Variants in TOP1 observed in about 807,000 individuals in gnomAD.
TOP1 encodes the protein DNA topoisomerase 1.
TOP1 carries 10 observed loss-of-function variants against 111.1 expected under a neutral mutation model. The observed-to-expected ratio is 0.09, with a 90% confidence interval of 0.06 to 0.15. The LOEUF is 0.15. Ranked by LOEUF, TOP1 falls within the 10% of genes least tolerant of loss-of-function variation. The pLI, the probability that TOP1 is intolerant of heterozygous loss-of-function variation, is 1.00. For synonymous variants in TOP1, 271 were observed against 302.9 expected, an observed-to-expected ratio of 0.89 and a Z score of 1.10; for missense variants, 474 against 926.7, an observed-to-expected ratio of 0.51 and a Z score of 6.34.
Position 41,115,088 on chromosome 20 carries a change from A to G in TOP1, c.1639-283A>G, listed in dbSNP as rs537122290. ...CTTTAGGACCATATTATAAGTAAGT[A>G]CTTATAAATGTACTTTAGGACCATA... is the stretch of plus-strand genomic sequence containing the variant. On this transcript the variant is annotated intron_variant, in intron 15 of 20. Transcript: ENST00000361337. This position sits in a 1 kb window ranked among gnomAD's most constrained non-coding sequence, Gnocchi z 6.3. Among the ~76,000 whole-genome samples the G allele has an allele frequency of 7.9e-4, 121 of 152,292 alleles. No homozygotes were observed. The highest frequency in any genetic ancestry group is 1.4e-3 in the Non-Finnish European group (92 of 68,006).
At chr20:41,065,109 T>G (rs1665167286) in intron 3 of TOP1, among the ~76,000 whole-genome samples, 1 of 152,170 alleles carries the variant, frequency 6.6e-6, no homozygotes, top group African/African-American at 2.4e-5. Flanking sequence ...TTCACCATGT[T>G]GACTAGGCTG....
In TOP1 at chr20:41,098,331, G is replaced by C; in HGVS notation, c.969G>C (p.Glu323Asp). ...CTCGGAAACAGATGAGCAAGGAAGA[G>C]AAACTGGTACTACAGAATTTATTAA... The part of the protein sequence containing the change: ...TEARKQMSKE[E>D]KLKIKEENEK... The change falls in exon 11 of 21, where the codon GAG (glutamate) becomes GAC (aspartate). Residue 323 changes from glutamate (E) to aspartate (D), a missense_variant. Physicochemically the swap from Glu to Asp is conservative, Grantham distance 45. This residue lies in a region of TOP1 where 84 missense variants were observed against 119.2 expected (regional missense o/e 0.70). Coordinates refer to ENST00000361337, the MANE Select transcript of TOP1 (RefSeq NM_003286.4). The surrounding 1 kb of genome is among the most constrained non-coding windows in gnomAD (Gnocchi z 5.7). 1 of 1,613,388 alleles carries C rather than the reference G, an allele frequency of 6.2e-7. No homozygotes were observed. The highest frequency in any genetic ancestry group is 8.5e-7 in the Non-Finnish European group (1 of 1,179,750).
chr20:41,031,002 A>G (rs1004661919), intron 2 of TOP1, among the ~76,000 whole-genome samples: 7 of 152,210 alleles, frequency 4.6e-5, no homozygotes, highest in African/African-American at 1.7e-4. Context: ...TTATAAGGTA[A>G]CTACTGGGGC....
intron 2 of TOP1, among the ~76,000 whole-genome samples, chr20:41,042,688 A>G (rs2033282229): frequency 6.6e-6 from 1 of 152,222 alleles, no homozygotes; most frequent in East Asian, 1.9e-4. Context: ...GCTGACTCCT[A>G]TGCAGTCAAA....
rs745367408 is a variant in TOP1 at position 41,100,243 on chromosome 20, A to G, written c.1163A>G (p.Lys388Arg). The change falls in exon 12 of 21, where the codon AAA (lysine) becomes AGA (arginine). Residue 388 changes from lysine to arginine, a missense_variant and splice_region_variant. Coordinates refer to ENST00000361337, the MANE Select transcript of TOP1 (RefSeq NM_003286.4). This position sits in a 1 kb window ranked among gnomAD's most constrained non-coding sequence, Gnocchi z 4.4. ...GAGGATATAATCATCAACTGTAGCA[A>G]GTGAGCTCGCACTTCATCCTATGGG... Reference protein sequence around the residue: ...MPEDIIINCSKDAKVPSPPPG... With the variant: ...MPEDIIINCSRDAKVPSPPPG... 3.7e-6 allele frequency: 6 copies of G among 1,611,886 alleles called. No homozygotes were observed. The Admixed American group carries it at 5.0e-5, about 14-fold the overall frequency.
chr20:41,065,406 G>A (rs1314846021), intron 3 of TOP1, among the ~76,000 whole-genome samples: 1 of 152,274 alleles, frequency 6.6e-6, no homozygotes, highest in Non-Finnish European at 1.5e-5. Flanking sequence ...ACACAATTGT[G>A]TGTGGTAAAA....
At chr20:41,035,281 A>G (rs1368249262) in intron 2 of TOP1, among the ~76,000 whole-genome samples, 1 of 152,162 alleles carries the variant, frequency 6.6e-6, no homozygotes. Flanking sequence ...GAAATGTGTA[A>G]TAAATGTTTT....
At chr20:41,107,750 T>G (rs1600595589) in intron 13 of TOP1, among the ~76,000 whole-genome samples, 1 of 152,240 alleles carries the variant, frequency 6.6e-6, no homozygotes, top group Non-Finnish European at 1.5e-5. Context: ...TTTTGAAATT[T>G]CTGTTTGTAA....
chr20:41,080,543 A>G lies in TOP1; in HGVS notation c.431+363A>G, dbSNP rs1253920412. ...AGTTTCTCTTAGACCTATTCCTGTC[A>G]GACATTCTAAGTGAAGTTTCAGTGT... On this transcript the variant is annotated intron_variant, in intron 6 of 20. Coordinates refer to ENST00000361337, the MANE Select transcript of TOP1 (RefSeq NM_003286.4). This position sits in a 1 kb window ranked among gnomAD's most constrained non-coding sequence, Gnocchi z 5.0. 6.6e-6 allele frequency among the ~76,000 whole-genome samples: 1 copy of G among 152,240 alleles called. No individual in the cohort carries two copies. Among genetic ancestry groups the G allele is most frequent in the African/African-American group, 2.4e-5 (1 of 41,464 alleles).
rs116334415 is a variant in TOP1, at chr20:41,123,798, G to C, written c.*501G>C. The C allele has an allele frequency of 4.3e-6, 1 of 232,444 alleles. No homozygotes were observed. Among genetic ancestry groups the C allele is most frequent in the Admixed American group, 5.6e-5 (1 of 17,744 alleles). The allele number at this position is 232,444 out of a possible 1,614,324, so 14.4% of individuals were successfully genotyped here. On this transcript the variant is annotated 3_prime_UTR_variant, in exon 21 of 21. Transcript: ENST00000361337. This position sits in a 1 kb window ranked among gnomAD's most constrained non-coding sequence, Gnocchi z 5.8. ...AAAACCCAGCGCACCTGTTAGAGTC[G>C]TCACTCTCTATTGTCATGGGGATCA...
At position 41,075,576 on chromosome 20, in the gene TOP1, A is replaced by T. The variant is rs1358285566; in HGVS notation, c.156-595A>T. Reference sequence around the variant, plus strand: ...ACATTTTCATGGCTCTTGCCTTATAATGTCATATTTTGCTTTTTAACCTTT... The same window carrying T: ...ACATTTTCATGGCTCTTGCCTTATATTGTCATATTTTGCTTTTTAACCTTT... On this transcript the variant is annotated intron_variant, in intron 3 of 20. Coordinates refer to ENST00000361337, the MANE Select transcript of TOP1 (RefSeq NM_003286.4). 2.0e-5 allele frequency among the ~76,000 whole-genome samples: 3 copies of T among 152,208 alleles called. No homozygotes were observed. The East Asian group carries it at 5.8e-4, about 29-fold the overall frequency.
In TOP1 at chr20:41,046,518, A is replaced by C. The variant is rs1208715608; in HGVS notation, c.59-14876A>C. On this transcript the variant is annotated intron_variant, in intron 2 of 20. Coordinates refer to ENST00000361337, the MANE Select transcript of TOP1 (RefSeq NM_003286.4). This position sits in a 1 kb window ranked among gnomAD's most constrained non-coding sequence, Gnocchi z 4.3. Reference sequence around the variant, plus strand: ...ACTTATGATGTGTCCTTAACAGACTAAATGCAGGCTCTGCTGCACTTTAAT... The same window carrying C: ...ACTTATGATGTGTCCTTAACAGACTCAATGCAGGCTCTGCTGCACTTTAAT... 6.6e-6 allele frequency among the ~76,000 whole-genome samples: 1 copy of C among 152,204 alleles called. No individual in the cohort carries two copies. The highest frequency in any genetic ancestry group is 1.5e-5 in the Non-Finnish European group (1 of 68,030).
intron 3 of TOP1, among the ~76,000 whole-genome samples, chr20:41,066,805 C>T (rs921927341): frequency 5.3e-5 from 8 of 152,066 alleles, no homozygotes; most frequent in Non-Finnish European, 8.8e-5. Flanking sequence ...CCACCTGCCT[C>T]GGCCTCCCAA....
rs1233524892 is a variant in TOP1, at chr20:41,071,452, C to T, written c.156-4719C>T. 6.6e-6 allele frequency among the ~76,000 whole-genome samples: 1 copy of T among 150,812 alleles called. No homozygotes were observed. On this transcript the variant is annotated intron_variant, in intron 3 of 20. Coordinates refer to ENST00000361337, the MANE Select transcript of TOP1 (RefSeq NM_003286.4). The surrounding 1 kb of genome is among the most constrained non-coding windows in gnomAD (Gnocchi z 4.3). ...CTCTGTCTCCCTGGTTCAAGTGATT[C>T]TCCTGCCTCAGCCTCCCCAGTAGCT...
chr20:41,073,285 G>A, intron 3 of TOP1: 1 of 984,954 alleles, frequency 1.0e-6, no homozygotes, highest in Non-Finnish European at 1.2e-6. Context: ...AAGAGAACGG[G>A]TCAGGGGAAG....
rs997886679 is a variant in TOP1, at chr20:41,124,481, A to G, written c.*1184A>G. On this transcript the variant is annotated 3_prime_UTR_variant, in exon 21 of 21. Coordinates refer to ENST00000361337, the MANE Select transcript of TOP1 (RefSeq NM_003286.4). This position sits in a 1 kb window ranked among gnomAD's most constrained non-coding sequence, Gnocchi z 5.4. ...ATTTAAAATAAATTCCTACAACTTAATGGAAACTTAAGTGTCTGCCTCTTT... is the reference window on the plus strand; with the variant it reads ...ATTTAAAATAAATTCCTACAACTTAGTGGAAACTTAAGTGTCTGCCTCTTT... The G allele has an allele frequency of 1.3e-5, 3 of 228,082 alleles. No homozygotes were observed. Among genetic ancestry groups the G allele is most frequent in the African/African-American group, 4.4e-5 (2 of 45,058 alleles). 14.1% of individuals were successfully genotyped at this position (228,082 alleles called of 1,614,324 possible).
chr20:41,068,917 T>G (rs1434226640), intron 3 of TOP1, among the ~76,000 whole-genome samples: 1 of 152,204 alleles, frequency 6.6e-6, no homozygotes, highest in East Asian at 1.9e-4. Flanking sequence ...GAAATGAAAT[T>G]CCTCCTAGTT....
At position 41,110,521 on chromosome 20, in the gene TOP1, T is replaced by C. The variant is rs750101469; in HGVS notation, c.1309-2261T>C. Among the ~76,000 whole-genome samples the C allele has an allele frequency of 6.6e-6, 1 of 152,186 alleles. No individual in the cohort carries two copies. Among genetic ancestry groups the C allele is most frequent in the Non-Finnish European group, 1.5e-5 (1 of 68,028 alleles). The stretch of plus-strand genomic sequence containing the variant: ...ACTAGAAAACAGAATCCAATTTGCC[T>C]TCTCACCCCCAACTTTGTAATCTTG... On this transcript the variant is annotated intron_variant, in intron 13 of 20. Transcript: ENST00000361337. This position sits in a 1 kb window ranked among gnomAD's most constrained non-coding sequence, Gnocchi z 4.2.
chr20:41,047,123 G>A (rs1046696170), intron 2 of TOP1, among the ~76,000 whole-genome samples: 6 of 152,204 alleles, frequency 3.9e-5, no homozygotes, highest in Non-Finnish European at 5.9e-5. Flanking sequence ...GAGACATTGC[G>A]GATACTTTCT....
Sources: gnomAD v4.1 joint callset for allele counts (sites outside exome capture counted in the v4.1 genomes callset) on GRCh38, gnomAD v4.1.1 for gene constraint, gnomAD v4.1.1 regional missense constraint, Gnocchi (gnomAD v3.1) non-coding constraint, MANE v1.5 for transcripts, NCBI Gene and HGNC (gene_info 2026-07-23, HGNC 2026-07-21) for gene names.